ERC2: variants seen among roughly 807,000 people sequenced by gnomAD.
ERC2 encodes ELKS/RAB6-interacting/CAST family member 2.
In ERC2, 42 loss-of-function variants were observed where a neutral mutation model predicts 114.8. The observed-to-expected ratio is 0.37, with a 90% CI of 0.29 to 0.47. ERC2 has a LOEUF of 0.47. Among genes scored for constraint, ERC2 ranks in the 20% least tolerant of loss-of-function variants. The pLI, the probability that ERC2 is intolerant of heterozygous loss-of-function variation, is 0.99. For synonymous variants in ERC2, 454 were observed against 425.5 expected (o/e 1.07, Z -0.82); for missense variants, 939 against 1,150.7 (o/e 0.82, Z 2.66).
chr3:55,782,186 G>A (rs1219648614), intron 14 of ERC2, among the ~76,000 whole-genome samples: 2 of 152,174 alleles, frequency 1.3e-5, no homozygotes, highest in African/African-American at 4.8e-5. Context: ...AGCCCACTGA[G>A]AAGGTTCTGC....
chr3:55,605,087 T>G (rs989003978), intron 17 of ERC2, among the ~76,000 whole-genome samples: 3 of 152,058 alleles, frequency 2.0e-5, no homozygotes, highest in Admixed American at 6.6e-5. Flanking sequence ...AATCAATCAG[T>G]GAAGAAACAT....
At chr3:55,663,330 G>A (rs376166821) in intron 17 of ERC2, among the ~76,000 whole-genome samples, 38 of 152,316 alleles carry the variant, frequency 2.5e-4, no homozygotes, top group African/African-American at 7.0e-4. Context: ...AAAGGGGCTC[G>A]GAGGAGGAGG....
At chr3:55,970,312 T>A (rs1221648147) in intron 12 of ERC2, among the ~76,000 whole-genome samples, 3 of 152,082 alleles carry the variant, frequency 2.0e-5, no homozygotes, top group Non-Finnish European at 4.4e-5. Context: ...AAAAATTTAG[T>A]ATTGTGTATT....
At chr3:55,707,290 T>A (rs2063542860) in intron 15 of ERC2, among the ~76,000 whole-genome samples, 1 of 151,962 alleles carries the variant, frequency 6.6e-6, no homozygotes. Flanking sequence ...ATACAAAAAA[T>A]AAGCTAAGTG....
intron 17 of ERC2, among the ~76,000 whole-genome samples, chr3:55,527,908 C>A (rs1235214398): frequency 6.6e-6 from 1 of 152,048 alleles, no homozygotes; most frequent in Non-Finnish European, 1.5e-5. Flanking sequence ...TAGGAGGAGG[C>A]AATAGGGTAG....
At chr3:56,209,484 A>G (rs1338723808) in intron 3 of ERC2, among the ~76,000 whole-genome samples, 1 of 152,208 alleles carries the variant, frequency 6.6e-6, no homozygotes, top group Non-Finnish European at 1.5e-5. Context: ...TGTAAGCTCC[A>G]TGAGGGTGTA....
intron 6 of ERC2, among the ~76,000 whole-genome samples, chr3:56,099,431 A>G (rs2149801036): frequency 6.6e-6 from 1 of 152,338 alleles, no homozygotes; most frequent in South Asian, 2.1e-4. Flanking sequence ...AAGACCAATG[A>G]AACACCGTCC....
At chr3:56,196,736 C>T (rs753755156) in intron 3 of ERC2, among the ~76,000 whole-genome samples, 8 of 152,124 alleles carry the variant, frequency 5.3e-5, no homozygotes, top group South Asian at 2.1e-4. Context: ...TGTGGCTTGA[C>T]GAGGCCTAGC....
intron 7 of ERC2, among the ~76,000 whole-genome samples, chr3:56,035,598 T>A (rs1157189135): frequency 2.6e-5 from 4 of 152,216 alleles, no homozygotes; most frequent in Admixed American, 6.5e-5. Context: ...ATAAAAGGGC[T>A]TGACAGAGGG....
chr3:56,401,102 A>G (rs2060502599), intron 2 of ERC2, among the ~76,000 whole-genome samples: 1 of 152,224 alleles, frequency 6.6e-6, no homozygotes, highest in Admixed American at 6.5e-5. Flanking sequence ...TTCTAGCTCT[A>G]CTTGAACCTA....
chr3:56,170,535 A>G (rs1198809283), intron 4 of ERC2, among the ~76,000 whole-genome samples: 3 of 151,912 alleles, frequency 2.0e-5, no homozygotes, highest in Admixed American at 2.0e-4. Context: ...AAAAGCAAGA[A>G]ACAAATAGGG....
At chr3:55,555,505 G>A (rs967673809) in intron 17 of ERC2, among the ~76,000 whole-genome samples, 1 of 152,196 alleles carries the variant, frequency 6.6e-6, no homozygotes, top group Non-Finnish European at 1.5e-5. Context: ...GCAATGTTAG[G>A]GGGAGGGTCA....
intron 17 of ERC2, among the ~76,000 whole-genome samples, chr3:55,682,409 G>A (rs111235780): frequency 3.9e-5 from 6 of 152,120 alleles, no homozygotes; most frequent in African/African-American, 1.4e-4. Context: ...ATGGATCCAG[G>A]AGGCATTACA....
At chr3:56,406,368 G>A (rs2060727765) in intron 2 of ERC2, among the ~76,000 whole-genome samples, 1 of 152,148 alleles carries the variant, frequency 6.6e-6, no homozygotes, top group African/African-American at 2.4e-5. Context: ...CCAGTGGTGT[G>A]AGGAGTCAGA....
At chr3:56,042,395 G>T (rs1000010263) in intron 7 of ERC2, among the ~76,000 whole-genome samples, 1 of 152,180 alleles carries the variant, frequency 6.6e-6, no homozygotes, top group Non-Finnish European at 1.5e-5. Context: ...CATTCCTATC[G>T]TGGGGCTGGC....
intron 2 of ERC2, among the ~76,000 whole-genome samples, chr3:56,298,589 T>A (rs1576327821): frequency 6.6e-6 from 1 of 152,072 alleles, no homozygotes; most frequent in Admixed American, 6.6e-5. Flanking sequence ...GAAAACATTA[T>A]GCCATGTGAA....
At chr3:55,856,528 A>G (rs917554867) in intron 14 of ERC2, among the ~76,000 whole-genome samples, 1 of 152,026 alleles carries the variant, frequency 6.6e-6, no homozygotes, top group Non-Finnish European at 1.5e-5. Context: ...ATATATACAC[A>G]CACATATACA....
chr3:56,363,315 A>C (rs73832717), intron 2 of ERC2, among the ~76,000 whole-genome samples: 9,861 of 152,308 alleles, frequency 0.065, 625 homozygotes, highest in African/African-American at 0.16. Flanking sequence ...ACAGTATTTC[A>C]ATCTTAGAAT....
At chr3:55,831,819 A>C (rs1037454226) in intron 14 of ERC2, among the ~76,000 whole-genome samples, 1 of 152,196 alleles carries the variant, frequency 6.6e-6, no homozygotes. Context: ...TCACTCGGGA[A>C]GTGCAAGGGG....
Sources: allele counts gnomAD v4.1 joint callset (sites outside exome capture counted in the v4.1 genomes callset), GRCh38; gene constraint gnomAD v4.1.1; transcripts MANE v1.5; gene names NCBI Gene and HGNC (gene_info 2026-07-23, HGNC 2026-07-21).